CDK14: variants seen among roughly 807,000 people sequenced by gnomAD.
The protein encoded by CDK14 is cyclin-dependent kinase 14.
A neutral mutation model predicts 60.7 loss-of-function variants in CDK14; 34 were observed. That is an observed-to-expected ratio of 0.56 (90% CI 0.43 to 0.75). CDK14 has a LOEUF of 0.75. Ranked by LOEUF, CDK14 falls within the 30% of genes least tolerant of loss-of-function variation. CDK14 has a pLI of 0.00. For synonymous variants in CDK14, 197 were observed against 203.7 expected (o/e 0.97, Z 0.28); for missense variants, 482 against 564.1 (o/e 0.85, Z 1.47).
At chr7:90,655,118 C>T (rs1800724781) in intron 2 of CDK14, among the ~76,000 whole-genome samples, 1 of 152,166 alleles carries the variant, frequency 6.6e-6, no homozygotes, top group African/African-American at 2.4e-5. Context: ...TTTCACTTAG[C>T]AGTATACACT....
intron 10 of CDK14, among the ~76,000 whole-genome samples, chr7:91,029,639 C>CCTCTCCCCTCTCCG (rs1235032120): frequency 2.0e-5 from 3 of 148,718 alleles, no homozygotes; most frequent in Non-Finnish European, 4.5e-5. Context: ...TCCCCTCTCC[C>CCTCTCCCCTCTCCG]CTTCCCCTTC....
chr7:91,136,976 T>C (rs1276025453), intron 14 of CDK14, among the ~76,000 whole-genome samples: 3 of 152,222 alleles, frequency 2.0e-5, no homozygotes, highest in African/African-American at 7.2e-5. Context: ...TCATTGATAA[T>C]TAGGAAATCT....
intron 5 of CDK14, among the ~76,000 whole-genome samples, chr7:90,812,616 A>T (rs1789177117): frequency 6.6e-6 from 1 of 152,166 alleles, no homozygotes; most frequent in African/African-American, 2.4e-5. Flanking sequence ...TTAAAGTATA[A>T]TAATAATAAA....
At chr7:90,754,097 A>C (rs1342251348) in intron 4 of CDK14, among the ~76,000 whole-genome samples, 1 of 152,234 alleles carries the variant, frequency 6.6e-6, no homozygotes, top group Non-Finnish European at 1.5e-5. Flanking sequence ...TCAAACTGCC[A>C]ATGTTGTTTT....
chr7:91,064,674 A>G (rs1310792392), intron 11 of CDK14, among the ~76,000 whole-genome samples: 1 of 152,116 alleles, frequency 6.6e-6, no homozygotes, highest in African/African-American at 2.4e-5. Flanking sequence ...CGGTTTACCC[A>G]TTTGTAAATT....
chr7:90,795,731 C>T (rs7782455), intron 5 of CDK14, among the ~76,000 whole-genome samples: 138,911 of 152,104 alleles, frequency 0.91, 63,560 homozygotes, highest in East Asian at 1. Context: ...GGGACAGGGA[C>T]TCTGGGCCAA....
At chr7:90,956,119 G>A (rs755213476) in intron 9 of CDK14, among the ~76,000 whole-genome samples, 2 of 152,094 alleles carry the variant, frequency 1.3e-5, no homozygotes, top group Non-Finnish European at 2.9e-5. Context: ...TATAACAAGG[G>A]AAGTATGTAT....
At chr7:90,719,639 T>A (rs1034404721) in intron 2 of CDK14, among the ~76,000 whole-genome samples, 1 of 152,198 alleles carries the variant, frequency 6.6e-6, no homozygotes, top group African/African-American at 2.4e-5. Flanking sequence ...ACCAAATTAA[T>A]CGCTTCAGAT....
At chr7:90,768,864 G>C (rs972404133) in intron 4 of CDK14, among the ~76,000 whole-genome samples, 8 of 152,156 alleles carry the variant, frequency 5.3e-5, no homozygotes, top group Admixed American at 2.0e-4. Context: ...GTAATCCTAT[G>C]TATTATAAGC....
rs758746911 is a variant in CDK14 at position 91,045,908 on chromosome 7, A to G, written c.1053A>G (p.Thr351=). 34 of 1,610,138 alleles carry G rather than the reference A, an allele frequency of 2.1e-5. No individual in the cohort carries two copies. In the South Asian group the frequency reaches 3.6e-4, roughly 17 times the overall value. ...CTACTCTCCACTAGGTTCTTGGAAC[A>G]CCAAATGAGGACACATGGCCTGGAG... ...QLERIFLVLG[T]PNEDTWPGVH... The change falls in exon 11 of 15, where the codon ACA becomes ACG. Residue 351 remains threonine, a synonymous_variant. Coordinates refer to ENST00000380050, the MANE Select transcript of CDK14 (RefSeq NM_001287135.2).
chr7:90,874,872 A>G (rs2117261541), intron 6 of CDK14, among the ~76,000 whole-genome samples: 1 of 152,254 alleles, frequency 6.6e-6, no homozygotes, highest in Non-Finnish European at 1.5e-5. Context: ...TTATTACGAT[A>G]CAATTCATGT....
chr7:91,062,084 C>T (rs1221911198), intron 11 of CDK14, among the ~76,000 whole-genome samples: 1 of 152,216 alleles, frequency 6.6e-6, no homozygotes, highest in Non-Finnish European at 1.5e-5. Context: ...TTTACCTACT[C>T]AAGCCTCGGC....
chr7:90,717,778 A>G (rs1238359871), intron 2 of CDK14, among the ~76,000 whole-genome samples: 1 of 152,050 alleles, frequency 6.6e-6, no homozygotes, highest in African/African-American at 2.4e-5. Flanking sequence ...ACAATCCATC[A>G]TTGAGTAAAT....
intron 14 of CDK14, among the ~76,000 whole-genome samples, chr7:91,188,275 T>C (rs1237229867): frequency 6.6e-6 from 1 of 152,190 alleles, no homozygotes; most frequent in Admixed American, 6.5e-5. Context: ...TCCTCAGATA[T>C]GTTAACTCAT....
intron 14 of CDK14, among the ~76,000 whole-genome samples, chr7:91,118,913 A>G (rs1052108098): frequency 6.6e-6 from 1 of 152,142 alleles, no homozygotes; most frequent in African/African-American, 2.4e-5. Flanking sequence ...AGCCTGGCCC[A>G]GTCATCACAT....
At chr7:90,603,706 C>G (rs191903174) in intron 1 of CDK14, among the ~76,000 whole-genome samples, 1 of 152,220 alleles carries the variant, frequency 6.6e-6, no homozygotes, top group East Asian at 1.9e-4. Context: ...TTTATCATGT[C>G]GAAATGTTTA....
At chr7:90,872,245 C>A (rs1159697849) in intron 6 of CDK14, among the ~76,000 whole-genome samples, 2 of 152,104 alleles carry the variant, frequency 1.3e-5, no homozygotes, top group Non-Finnish European at 2.9e-5. Context: ...AATAGGAAAA[C>A]TAGATTTGTC....
chr7:90,870,319 C>T (rs1451153908), intron 6 of CDK14, among the ~76,000 whole-genome samples: 1 of 152,058 alleles, frequency 6.6e-6, no homozygotes, highest in Non-Finnish European at 1.5e-5. Context: ...TAGAGGGGAA[C>T]AACACACACT....
chr7:90,829,233 C>T (rs370263951), intron 5 of CDK14, among the ~76,000 whole-genome samples: 4 of 152,154 alleles, frequency 2.6e-5, no homozygotes, highest in South Asian at 4.2e-4. Context: ...TCATTCTCCC[C>T]CTGGCCTCTC....
Sources: allele counts gnomAD v4.1 joint callset (sites outside exome capture counted in the v4.1 genomes callset), GRCh38; gene constraint gnomAD v4.1.1; transcripts MANE v1.5; gene names NCBI Gene and HGNC (gene_info 2026-07-23, HGNC 2026-07-21).